ZHX2: variants seen among roughly 807,000 people sequenced by gnomAD.
The protein encoded by ZHX2 is zinc fingers and homeoboxes 2, also known as zinc fingers and homeoboxes protein 2.
A neutral mutation model predicts 21.9 loss-of-function variants in ZHX2; 6 were observed. The ratio of observed to expected loss-of-function variants is 0.27; its 90% CI spans 0.15 to 0.54. The LOEUF (loss-of-function observed/expected upper bound fraction) is 0.54, where lower values mean the gene tolerates loss of function less well. ZHX2 is among the 20% of genes least tolerant of loss of function. The pLI is 0.95. For missense variants in ZHX2, 908 were observed against 1,090.7 expected, an observed-to-expected ratio of 0.83 and a Z score of 2.36; for synonymous variants, 434 against 437.1, an observed-to-expected ratio of 0.99 and a Z score of 0.09.
chr8:122,844,707 G>A (rs188470356), intron 1 of ZHX2, among the ~76,000 whole-genome samples: 130 of 152,084 alleles, frequency 8.5e-4, no homozygotes, highest in Admixed American at 2.0e-3. Context: ...TTCTCACTGA[G>A]TCTCTCTCTC....
At chr8:122,893,318 C>G (rs1820025454) in intron 2 of ZHX2, among the ~76,000 whole-genome samples, 1 of 152,116 alleles carries the variant, frequency 6.6e-6, no homozygotes, top group African/African-American at 2.4e-5. Flanking sequence ...GCTGAATGTA[C>G]TAGAGAACCT....
At chr8:122,879,369 G>T (rs530703104) in intron 2 of ZHX2, among the ~76,000 whole-genome samples, 2 of 152,088 alleles carry the variant, frequency 1.3e-5, no homozygotes, top group South Asian at 4.2e-4. Context: ...ACCACGCCCA[G>T]CTAACTTTTG....
At chr8:122,799,071 A>T (rs1454352729) in intron 1 of ZHX2, among the ~76,000 whole-genome samples, 1 of 152,206 alleles carries the variant, frequency 6.6e-6, no homozygotes, top group Non-Finnish European at 1.5e-5. Context: ...TCGCTCCAGA[A>T]CAACAAACCA....
intron 2 of ZHX2, among the ~76,000 whole-genome samples, chr8:122,939,204 C>T (rs1250849995): frequency 6.6e-6 from 1 of 152,110 alleles, no homozygotes; most frequent in Non-Finnish European, 1.5e-5. Flanking sequence ...CATTTTCATC[C>T]CCATGTTACA....
intron 2 of ZHX2, among the ~76,000 whole-genome samples, chr8:122,891,475 G>T (rs1819977412): frequency 6.6e-6 from 1 of 151,908 alleles, no homozygotes; most frequent in Non-Finnish European, 1.5e-5. Context: ...TTTTGGGTTT[G>T]ATTTGTTCTT....
chr8:122,967,048 A>G (rs1364444860), intron 3 of ZHX2, among the ~76,000 whole-genome samples: 3 of 152,130 alleles, frequency 2.0e-5, no homozygotes, highest in Non-Finnish European at 2.9e-5. Context: ...GACTTCATCC[A>G]TATCCTGTAT....
Position 122,792,684 on chromosome 8 carries a change from A to C in ZHX2, c.-283+10738A>C, listed in dbSNP as rs1009161237. ...TACAGGTGGGGGAACTGAGGCACAG[A>C]GAAGGGAGGGTCCCATGGCTAGGGA... On this transcript the variant is annotated intron_variant, in intron 1 of 3. Coordinates refer to ENST00000314393, the MANE Select transcript of ZHX2 (RefSeq NM_014943.5). Among the ~76,000 whole-genome samples the C allele has an allele frequency of 2.6e-5, 4 of 152,190 alleles. No individual in the cohort carries two copies. The East Asian group carries it at 7.7e-4, about 29-fold the overall frequency.
chr8:122,894,193 T>A (rs761653596), intron 2 of ZHX2, among the ~76,000 whole-genome samples: 1 of 152,240 alleles, frequency 6.6e-6, no homozygotes, highest in Non-Finnish European at 1.5e-5. Flanking sequence ...GCTTGGGCTG[T>A]GGCGGTTATG....
intron 2 of ZHX2, among the ~76,000 whole-genome samples, chr8:122,863,856 C>G (rs1819225795): frequency 6.6e-6 from 1 of 152,066 alleles, no homozygotes; most frequent in Admixed American, 6.6e-5. Context: ...AACCTCTAGC[C>G]AGGGCTAGGG....
chr8:122,952,120 G>A lies in ZHX2; in HGVS notation c.610G>A (p.Glu204Lys), dbSNP rs746611861. 143 of 1,613,512 alleles carry A rather than the reference G, an allele frequency of 8.9e-5. 1 individual carries two copies. In the Admixed American group the frequency reaches 1.9e-3, roughly 22 times the overall value. The change falls in exon 3 of 4, where the codon GAG (glutamate) becomes AAG (lysine). Residue 204 changes from glutamate to lysine, a missense_variant. Around this residue, in one of 4 missense-constraint regions of ZHX2, gnomAD observed 220 missense variants for 251.4 expected, o/e 0.88. Coordinates refer to ENST00000314393, the MANE Select transcript of ZHX2 (RefSeq NM_014943.5). This position sits in a 1 kb window ranked among gnomAD's most constrained non-coding sequence, Gnocchi z 6.9. ...TGCCAAGAAGGTGCCCAAGAAGCCC[G>A]AGGAGATCACCCCCGAGAACCACGT... Reference protein sequence around the residue: ...ADAKKVPKKPEEITPENHVEG... With the variant: ...ADAKKVPKKPKEITPENHVEG...
In ZHX2 at chr8:122,973,320, A is replaced by G. The variant is rs1286498807; in HGVS notation, c.*83A>G. 6.5e-6 allele frequency: 1 copy of G among 152,798 alleles called. No homozygotes were observed. The highest frequency in any genetic ancestry group is 2.4e-5 in the African/African-American group (1 of 41,470). 9.5% of individuals were successfully genotyped at this position (152,798 alleles called of 1,614,324 possible). A position where few individuals can be genotyped will look rare whatever the true frequency, so the allele number is the denominator to read the frequency against. On this transcript the variant is annotated 3_prime_UTR_variant, in exon 4 of 4. Coordinates refer to ENST00000314393, the MANE Select transcript of ZHX2 (RefSeq NM_014943.5). ...AAGAAGAGATGGTCTCTCCCCAGCC[A>G]TGGGCCACCCTTGCCAGTGACTCCA... is the stretch of plus-strand genomic sequence containing the variant.
rs753583288 is a variant in ZHX2 at position 122,952,548 on chromosome 8, T to C, written c.1038T>C (p.Thr346=). 1.2e-6 allele frequency: 2 copies of C among 1,614,156 alleles called. No homozygotes were observed. The highest frequency in any genetic ancestry group is 1.7e-6 in the Non-Finnish European group (2 of 1,180,030). ...GTIQSVPPTI[T]VLPAQLAPTK... is the part of the protein sequence containing the mutation. ...TCCAGTCAGTACCCCCGACCATCACTGTGCTGCCCGCCCAGTTGGCCCCCA... is the reference window on the plus strand; with the variant it reads ...TCCAGTCAGTACCCCCGACCATCACCGTGCTGCCCGCCCAGTTGGCCCCCA... Residue 346 remains threonine, a synonymous_variant, in exon 3 of 4, where the codon ACT becomes ACC. Coordinates refer to ENST00000314393, the MANE Select transcript of ZHX2 (RefSeq NM_014943.5). The surrounding 1 kb of genome is among the most constrained non-coding windows in gnomAD (Gnocchi z 6.9).
intron 1 of ZHX2, among the ~76,000 whole-genome samples, chr8:122,819,685 A>G (rs1230750695): frequency 6.6e-6 from 1 of 152,212 alleles, no homozygotes; most frequent in Non-Finnish European, 1.5e-5. Context: ...TTTTGGCCTC[A>G]GCCTGGCCCC....
intron 1 of ZHX2, among the ~76,000 whole-genome samples, chr8:122,819,092 T>C (rs7839185): frequency 0.88 from 133,510 of 152,248 alleles, 58,625 homozygotes; most frequent in Middle Eastern, 0.95. Flanking sequence ...TGCAAGGAGC[T>C]GAAGGCCTTC....
At chr8:122,918,026 G>A (rs1820646029) in intron 2 of ZHX2, among the ~76,000 whole-genome samples, 1 of 152,154 alleles carries the variant, frequency 6.6e-6, no homozygotes, top group Non-Finnish European at 1.5e-5. Context: ...TCAAGACTCT[G>A]CTACTCTTGT....
rs192291005 is a variant in ZHX2 at position 122,833,011 on chromosome 8, G to A, written c.-282-30466G>A. 5.3e-5 allele frequency among the ~76,000 whole-genome samples: 8 copies of A among 152,260 alleles called. No homozygotes were observed. The East Asian group carries it at 1.4e-3, about 26-fold the overall frequency. ...GCAAGGGCCTGTACGAAGAGGTGGG[G>A]GCTGTCTCTGAAACCTTGAGGTAGT... On this transcript the variant is annotated intron_variant, in intron 1 of 3. Coordinates refer to ENST00000314393, the MANE Select transcript of ZHX2 (RefSeq NM_014943.5).
At chr8:122,811,265 C>T (rs1817921828) in intron 1 of ZHX2, among the ~76,000 whole-genome samples, 1 of 152,076 alleles carries the variant, frequency 6.6e-6, no homozygotes, top group African/African-American at 2.4e-5. Flanking sequence ...CCTGTGGTCC[C>T]AGCTACTAGG....
At chr8:122,854,056 C>CCGAG (rs1818969732) in intron 1 of ZHX2, among the ~76,000 whole-genome samples, 4 of 152,268 alleles carry the variant, frequency 2.6e-5, no homozygotes, top group Admixed American at 2.6e-4. Context: ...CATGGTCAGG[C>CCGAG]CGAGCCTCCC....
intron 2 of ZHX2, among the ~76,000 whole-genome samples, chr8:122,864,804 A>G (rs1277309005): frequency 2.0e-5 from 3 of 152,146 alleles, no homozygotes; most frequent in African/African-American, 7.2e-5. Context: ...CACTCCAGAC[A>G]CAAATGGGGA....
Sources: allele counts gnomAD v4.1 joint callset (sites outside exome capture counted in the v4.1 genomes callset), GRCh38; gene constraint gnomAD v4.1.1; regional missense constraint gnomAD v4.1.1; non-coding constraint Gnocchi (gnomAD v3.1); transcripts MANE v1.5; gene names NCBI Gene and HGNC (gene_info 2026-07-23, HGNC 2026-07-21).